The following SOX5 variants were observed in gnomAD, a reference collection of about 807,000 sequenced individuals.
The protein encoded by SOX5 is transcription factor SOX-5.
In SOX5, 9 loss-of-function variants were observed where a neutral mutation model predicts 92.0. The observed-to-expected ratio is 0.10, with a 90% CI of 0.06 to 0.17. The LOEUF is 0.17. Among genes scored for constraint, SOX5 ranks in the 10% least tolerant of loss-of-function variants. SOX5 has a pLI of 1.00. For synonymous variants in SOX5, 344 were observed against 336.3 expected (o/e 1.02, Z -0.25); for missense variants, 642 against 944.5 (o/e 0.68, Z 4.20).
chr12:23,883,256 T>C (rs779839400), intron 2 of SOX5, among the ~76,000 whole-genome samples: 3 of 151,946 alleles, frequency 2.0e-5, no homozygotes, highest in Non-Finnish European at 2.9e-5. Flanking sequence ...CTACTTTAAA[T>C]GAGTTTGCAT....
intron 3 of SOX5, among the ~76,000 whole-genome samples, chr12:24,263,527 C>CA (rs386375915): frequency 0.011 from 718 of 63,182 alleles, 61 homozygotes; most frequent in African/African-American, 0.032. Context: ...GACTCCGTCT[C>CA]AAAAAAAAAA....
chr12:23,755,968 C>T (rs1466416997), intron 3 of SOX5, among the ~76,000 whole-genome samples: 1 of 151,830 alleles, frequency 6.6e-6, no homozygotes, highest in Non-Finnish European at 1.5e-5. Context: ...AATGGGTACA[C>T]ATAAACCTTG....
intron 1 of SOX5, among the ~76,000 whole-genome samples, chr12:24,383,869 C>A (rs370354213): frequency 6.6e-6 from 1 of 152,136 alleles, no homozygotes; most frequent in African/African-American, 2.4e-5. Context: ...CAAATCTCAT[C>A]TTGGATTATG....
chr12:23,974,054 ATAAAGT>A (rs1370276920), intron 4 of SOX5, among the ~76,000 whole-genome samples: 1 of 152,194 alleles, frequency 6.6e-6, no homozygotes, highest in Admixed American at 6.5e-5. Context: ...TATACCTATG[ATAAAGT>A]TAAATTTATA....
At chr12:24,470,865 T>C (rs1944742372) in intron 1 of SOX5, among the ~76,000 whole-genome samples, 1 of 152,172 alleles carries the variant, frequency 6.6e-6, no homozygotes, top group South Asian at 2.1e-4. Context: ...TTAAACATGG[T>C]AACATATAAA....
intron 1 of SOX5, among the ~76,000 whole-genome samples, chr12:24,521,794 G>A (rs1950285671): frequency 6.6e-6 from 1 of 151,988 alleles, no homozygotes; most frequent in African/African-American, 2.4e-5. Flanking sequence ...CAAAACCTAT[G>A]GGATGAAGCA....
At chr12:24,446,845 G>C (rs887552100) in intron 1 of SOX5, among the ~76,000 whole-genome samples, 1 of 152,158 alleles carries the variant, frequency 6.6e-6, no homozygotes, top group African/African-American at 2.4e-5. Flanking sequence ...CAGCAGCACA[G>C]AGTGAAAAAA....
At chr12:24,194,418 TAGGTAGGTAGGTATG>T (rs1195240629) in intron 4 of SOX5, among the ~76,000 whole-genome samples, 3 of 104,358 alleles carry the variant, frequency 2.9e-5, no homozygotes, top group African/African-American at 1.5e-4. Context: ...GGTAGGTAGG[TAGGTAGGTAGGTATG>T]TAGGTAGGTA....
At position 23,774,077 on chromosome 12, in the gene SOX5, A is replaced by G. The variant is rs572299731; in HGVS notation, c.482-18353T>C. Among the ~76,000 whole-genome samples, 15 of 152,292 alleles carry G rather than the reference A, an allele frequency of 9.8e-5. No individual in the cohort carries two copies. The East Asian group carries it at 2.9e-3, about 29-fold the overall frequency. On this transcript the variant is annotated intron_variant, in intron 3 of 14. Coordinates refer to ENST00000451604, the MANE Select transcript of SOX5 (RefSeq NM_006940.6). ...CCTTACAGAGAGAAAAAGGAAGACA[A>G]AAAGAGAGACAGAGACAAAAACGGT...
In SOX5 at chr12:24,487,702, C is replaced by T. The variant is rs533279716; in HGVS notation, c.-251+74627G>A. 2.6e-5 allele frequency among the ~76,000 whole-genome samples: 4 copies of T among 152,274 alleles called. No individual in the cohort carries two copies. The East Asian group carries it at 5.8e-4, about 22-fold the overall frequency. On this transcript the variant is annotated intron_variant, in intron 1 of 4. Coordinates refer to the SOX5 transcript ENST00000446891. Reference sequence around the variant, plus strand: ...ACATTCAACTTTTGGAGATATTTCTCCCAAGAAAAGACAGTGAATATTGAA... The same window carrying T: ...ACATTCAACTTTTGGAGATATTTCTTCCAAGAAAAGACAGTGAATATTGAA...
chr12:24,541,416 G>A (rs185413457), intron 1 of SOX5, among the ~76,000 whole-genome samples: 1 of 152,256 alleles, frequency 6.6e-6, no homozygotes, highest in East Asian at 1.9e-4. Context: ...TTTCTTATTA[G>A]ACTTTTTGTA....
At chr12:23,895,003 T>C (rs2097163132) in intron 2 of SOX5, among the ~76,000 whole-genome samples, 1 of 152,108 alleles carries the variant, frequency 6.6e-6, no homozygotes, top group Non-Finnish European at 1.5e-5. Flanking sequence ...CTTAACATTA[T>C]GATTCTATGT....
chr12:23,638,678 G>A (rs2079598914), intron 8 of SOX5, among the ~76,000 whole-genome samples: 1 of 152,246 alleles, frequency 6.6e-6, no homozygotes, highest in Non-Finnish European at 1.5e-5. Flanking sequence ...AAGGGAGGGA[G>A]AGTAACAGAT....
At chr12:23,669,724 T>C (rs1453366969) in intron 6 of SOX5, among the ~76,000 whole-genome samples, 3 of 152,054 alleles carry the variant, frequency 2.0e-5, no homozygotes, top group African/African-American at 7.2e-5. Flanking sequence ...TCAAAGATAA[T>C]GTTTACTTGA....
intron 1 of SOX5, among the ~76,000 whole-genome samples, chr12:23,938,955 T>C (rs1943118501): frequency 6.6e-6 from 1 of 151,110 alleles, no homozygotes; most frequent in Non-Finnish European, 1.5e-5. Context: ...TTTATTAAAG[T>C]GCTGATCATT....
intron 6 of SOX5, among the ~76,000 whole-genome samples, chr12:23,731,169 C>G (rs1338860814): frequency 6.6e-6 from 1 of 152,216 alleles, no homozygotes; most frequent in African/African-American, 2.4e-5. Flanking sequence ...CTTGCAGCTT[C>G]CCGGCTTCTG....
intron 8 of SOX5, among the ~76,000 whole-genome samples, chr12:23,628,707 C>T (rs992909561): frequency 2.0e-5 from 3 of 151,988 alleles, no homozygotes; most frequent in African/African-American, 7.2e-5. Context: ...TCATCCCTCC[C>T]TTTCCTCTTG....
chr12:23,912,943 ATACTAAAATC>A (rs2097367637), intron 1 of SOX5, among the ~76,000 whole-genome samples: 1 of 152,200 alleles, frequency 6.6e-6, no homozygotes, highest in African/African-American at 2.4e-5. Context: ...AATTCTGAAA[ATACTAAAATC>A]TACTGAATTA....
chr12:23,822,128 T>A (rs1229240043), intron 3 of SOX5, among the ~76,000 whole-genome samples: 3 of 152,210 alleles, frequency 2.0e-5, no homozygotes, highest in Non-Finnish European at 4.4e-5. Flanking sequence ...CTCCTTCAGT[T>A]CTGCTCTGAT....
Sources: allele counts gnomAD v4.1 joint callset (sites outside exome capture counted in the v4.1 genomes callset), GRCh38; gene constraint gnomAD v4.1.1; transcripts MANE v1.5; gene names NCBI Gene and HGNC (gene_info 2026-07-23, HGNC 2026-07-21).